The following MYRIP variants were observed in gnomAD, a reference collection of about 807,000 sequenced individuals.
The protein encoded by MYRIP is myosin VIIA and Rab interacting protein, also known as rab effector MyRIP.
In MYRIP, 49 loss-of-function variants were observed where a neutral mutation model predicts 98.0. The ratio of observed to expected loss-of-function variants is 0.50; its 90% CI spans 0.40 to 0.63. The LOEUF (loss-of-function observed/expected upper bound fraction) is 0.63, where lower values mean the gene tolerates loss of function less well. MYRIP is among the 30% of genes least tolerant of loss of function. The pLI is 0.00. For synonymous variants in MYRIP, 404 were observed against 409.5 expected (o/e 0.99, Z 0.16); for missense variants, 1,004 against 1,058.2 (o/e 0.95, Z 0.71).
intron 11 of MYRIP, among the ~76,000 whole-genome samples, chr3:40,216,201 C>T (rs1952115382): frequency 6.6e-6 from 1 of 152,194 alleles, no homozygotes; most frequent in Non-Finnish European, 1.5e-5. Context: ...TCACCCCAGC[C>T]ACAGCAGTAG....
At chr3:40,226,695 T>A (rs1240264868) in intron 11 of MYRIP, among the ~76,000 whole-genome samples, 3 of 152,210 alleles carry the variant, frequency 2.0e-5, no homozygotes, top group Non-Finnish European at 2.9e-5. Context: ...GTTGGAGTGA[T>A]CACAGTATCT....
chr3:39,998,751 G>A (rs1946436396), intron 2 of MYRIP, among the ~76,000 whole-genome samples: 1 of 152,158 alleles, frequency 6.6e-6, no homozygotes, highest in African/African-American at 2.4e-5. Flanking sequence ...CAAAGCTGGA[G>A]GCATCATGCT....
At chr3:40,071,990 ATC>A (rs942863181) in intron 3 of MYRIP, among the ~76,000 whole-genome samples, 1 of 151,936 alleles carries the variant, frequency 6.6e-6, no homozygotes, top group African/African-American at 2.4e-5. Flanking sequence ...ACACAAAGGA[ATC>A]TCTGGTCAGA....
At chr3:39,963,785 G>A (rs1945378574) in intron 2 of MYRIP, among the ~76,000 whole-genome samples, 2 of 152,166 alleles carry the variant, frequency 1.3e-5, no homozygotes, top group South Asian at 2.1e-4. Flanking sequence ...TATTTTTCAT[G>A]TGATTTCTCT....
intron 15 of MYRIP, among the ~76,000 whole-genome samples, chr3:40,251,487 A>G (rs1953376638): frequency 6.6e-6 from 1 of 152,196 alleles, no homozygotes; most frequent in South Asian, 2.1e-4. Context: ...GAGCACAAAA[A>G]CATTTGCACT....
chr3:40,075,543 A>T (rs1295103454), intron 3 of MYRIP, among the ~76,000 whole-genome samples: 2 of 152,230 alleles, frequency 1.3e-5, no homozygotes, highest in African/African-American at 2.4e-5. Context: ...TCTGTGCCTC[A>T]ATCCTCTTGA....
chr3:40,204,016 ATATATAT>A (rs1559451386), intron 10 of MYRIP, among the ~76,000 whole-genome samples: 2,140 of 8,978 alleles, frequency 0.24, 481 homozygotes, highest in African/African-American at 0.33. Context: ...ATTATATATA[ATATATAT>A]TATATATATT....
At chr3:39,920,315 G>T (rs938900431) in intron 2 of MYRIP, among the ~76,000 whole-genome samples, 17 of 152,038 alleles carry the variant, frequency 1.1e-4, no homozygotes, top group African/African-American at 1.7e-4. Flanking sequence ...CTAAGGTAAG[G>T]TATATTGTCC....
rs556297485 is a variant in MYRIP, at chr3:39,902,722, T to A, written c.110+1796T>A. Among the ~76,000 whole-genome samples the A allele has an allele frequency of 7.2e-5, 11 of 152,344 alleles. 1 individual carries two copies. The highest frequency in any genetic ancestry group is 2.4e-4 in the African/African-American group (10 of 41,590). On this transcript the variant is annotated intron_variant, in intron 2 of 16. Coordinates refer to ENST00000302541, the MANE Select transcript of MYRIP (RefSeq NM_015460.4). ...ATGGATAAGCCAAGACCTTGTTTAA[T>A]GTCCTTTTCTGACTGTGGAGACTTG... is the stretch of plus-strand genomic sequence containing the variant.
chr3:39,820,739 A>G (rs1340725823), intron 1 of MYRIP, among the ~76,000 whole-genome samples: 1 of 152,210 alleles, frequency 6.6e-6, no homozygotes, highest in Non-Finnish European at 1.5e-5. Flanking sequence ...AGTCTTTCAG[A>G]AACCCACCAA....
intron 2 of MYRIP, among the ~76,000 whole-genome samples, chr3:40,023,410 G>T (rs1228074306): frequency 2.6e-5 from 4 of 152,164 alleles, no homozygotes; most frequent in African/African-American, 9.7e-5. Flanking sequence ...ATGTTACCCA[G>T]AGATCAGTAA....
chr3:39,920,805 CA>C (rs1171574423), intron 2 of MYRIP, among the ~76,000 whole-genome samples: 3 of 152,178 alleles, frequency 2.0e-5, no homozygotes, highest in Admixed American at 2.0e-4. Context: ...GGTTCCAAAG[CA>C]GTGCTCATCC....
chr3:39,895,238 G>GT (rs1233159062), intron 1 of MYRIP, among the ~76,000 whole-genome samples: 1 of 151,414 alleles, frequency 6.6e-6, no homozygotes, highest in Admixed American at 6.6e-5. Flanking sequence ...CCAGGCTGAA[G>GT]TGCAGTGGCG....
At chr3:40,226,943 G>A (rs540560516) in intron 11 of MYRIP, among the ~76,000 whole-genome samples, 1 of 152,294 alleles carries the variant, frequency 6.6e-6, no homozygotes, top group East Asian at 1.9e-4. Flanking sequence ...GCCCTGGGCT[G>A]CAGTGCCATT....
intron 12 of MYRIP, among the ~76,000 whole-genome samples, chr3:40,238,133 A>G (rs1952873363): frequency 6.6e-6 from 1 of 152,134 alleles, no homozygotes; most frequent in Non-Finnish European, 1.5e-5. Context: ...CCTGTTCCCA[A>G]ACAGTTAACT....
chr3:39,887,766 T>C (rs1943350583), intron 1 of MYRIP, among the ~76,000 whole-genome samples: 1 of 152,180 alleles, frequency 6.6e-6, no homozygotes, highest in African/African-American at 2.4e-5. Context: ...CATGATTGTA[T>C]ATCTAGAGAA....
At chr3:39,840,840 T>A (rs755649521) in intron 1 of MYRIP, among the ~76,000 whole-genome samples, 1 of 152,262 alleles carries the variant, frequency 6.6e-6, no homozygotes, top group Non-Finnish European at 1.5e-5. Flanking sequence ...GCTGTTAGTC[T>A]GATGAGCTTC....
chr3:40,234,165 A>G, intron 12 of MYRIP, 112 bp downstream of exon 12: 1 of 1,025,494 alleles, frequency 9.8e-7, no homozygotes, highest in Non-Finnish European at 1.4e-6. Flanking sequence ...CACACACACC[A>G]CTACCACTAT....
intron 2 of MYRIP, among the ~76,000 whole-genome samples, chr3:39,931,980 T>C (rs919563431): frequency 6.6e-6 from 1 of 152,210 alleles, no homozygotes; most frequent in Non-Finnish European, 1.5e-5. Flanking sequence ...TGTGATATCT[T>C]TATCTGGTTT....
Sources: allele counts gnomAD v4.1 joint callset (sites outside exome capture counted in the v4.1 genomes callset), GRCh38; gene constraint gnomAD v4.1.1; transcripts MANE v1.5; gene names NCBI Gene and HGNC (gene_info 2026-07-23, HGNC 2026-07-21).